PRKAA1: variants seen among roughly 807,000 people sequenced by gnomAD.
PRKAA1 encodes the protein 5'-AMP-activated protein kinase catalytic subunit alpha-1.
In PRKAA1, 23 loss-of-function variants were observed where a neutral mutation model predicts 56.9. The ratio of observed to expected loss-of-function variants is 0.40; its 90% CI spans 0.29 to 0.57. The LOEUF is 0.57. PRKAA1 is among the 20% of genes least tolerant of loss of function. PRKAA1 has a pLI of 0.39. For synonymous variants in PRKAA1, 226 were observed against 227.0 expected, an observed-to-expected ratio of 1.00 and a Z score of 0.04; for missense variants, 413 against 679.7, an observed-to-expected ratio of 0.61 and a Z score of 4.36.
At chr5:40,796,872 A>G (rs552492726) in intron 1 of PRKAA1, among the ~76,000 whole-genome samples, 2 of 152,324 alleles carry the variant, frequency 1.3e-5, no homozygotes, top group South Asian at 4.1e-4. Flanking sequence ...AGAACTTAGT[A>G]TATGCAAGTC....
chr5:40,777,610 A>G (rs768550346), intron 1 of PRKAA1, 24 bp from the exon 2 acceptor site: 2 of 1,573,356 alleles, frequency 1.3e-6, no homozygotes, highest in Admixed American at 3.4e-5. Flanking sequence ...AATTTAATAA[A>G]TTAGTACTAA....
At chr5:40,768,461 T>C (rs1749436232) in intron 5 of PRKAA1, 3 of 930,328 alleles carry the variant, frequency 3.2e-6, no homozygotes, top group Non-Finnish European at 3.8e-6. Context: ...GTTTTATTCC[T>C]AAAAGAATTA....
chr5:40,772,636 A>G (rs1743802078), intron 3 of PRKAA1, among the ~76,000 whole-genome samples: 1 of 151,236 alleles, frequency 6.6e-6, no homozygotes, highest in African/African-American at 2.4e-5. Context: ...CGGGGTTTTA[A>G]ATTTATCTAT....
Position 40,761,734 on chromosome 5 carries a change from G to A in PRKAA1, c.*1044C>T, listed in dbSNP as rs916133992. 3 of 152,282 alleles carry A rather than the reference G, an allele frequency of 2.0e-5. No individual in the cohort carries two copies. The highest frequency in any genetic ancestry group is 7.2e-5 in the African/African-American group (3 of 41,438). The allele number at this position is 152,282 out of a possible 1,614,324, so 9.4% of individuals were successfully genotyped here. ...GCATATACTCAATAATGACTGACAT[G>A]ATGGGCCAGAGGAATTTGTGAAATT... On this transcript the variant is annotated 3_prime_UTR_variant, in exon 9 of 9. Coordinates refer to ENST00000397128, the MANE Select transcript of PRKAA1 (RefSeq NM_006251.6).
chr5:40,767,376 C>T lies in PRKAA1; in HGVS notation c.821+90G>A. ...TTTTTCACATAAAAACAGGATTACA[C>T]TGTATATTCTGTTCTGCAACTTTTT... On this transcript the variant is annotated intron_variant, in intron 6 of 8. Coordinates refer to ENST00000397128, the MANE Select transcript of PRKAA1 (RefSeq NM_006251.6). 4 of 1,032,226 alleles carry T rather than the reference C, an allele frequency of 3.9e-6. No homozygotes were observed. In the South Asian group the frequency reaches 4.7e-5, roughly 12 times the overall value. 63.9% of individuals were successfully genotyped at this position (1,032,226 alleles called of 1,614,324 possible). A position where few individuals can be genotyped will look rare whatever the true frequency, so the allele number is the denominator to read the frequency against.
chr5:40,784,362 C>CA lies in PRKAA1; in HGVS notation c.128-6777dup, dbSNP rs1461803421. Among the ~76,000 whole-genome samples, 4 of 152,104 alleles carry CA rather than the reference C, an allele frequency of 2.6e-5. No homozygotes were observed. In the East Asian group the frequency reaches 7.7e-4, roughly 29 times the overall value. On this transcript the variant is annotated intron_variant, in intron 1 of 8. Coordinates refer to ENST00000397128, the MANE Select transcript of PRKAA1 (RefSeq NM_006251.6). ...CCATTCCCATATACTTCAATCCCTC[C>CA]AACCCGCTCCACCACTCCTACCCCA...
intron 6 of PRKAA1, 79 bp from the exon 7 acceptor site, chr5:40,765,317 A>G (rs1178635775): frequency 1.4e-6 from 2 of 1,416,642 alleles, no homozygotes; most frequent in Non-Finnish European, 1.9e-6. Flanking sequence ...GGAATTTAGA[A>G]TATGACTTAA....
Position 40,762,666 on chromosome 5 carries a change from A to C in PRKAA1, c.*112T>G, listed in dbSNP as rs894267989. 3.6e-6 allele frequency: 5 copies of C among 1,385,180 alleles called. No homozygotes were observed. The African/African-American group carries it at 7.2e-5, about 20-fold the overall frequency. 85.8% of individuals were successfully genotyped at this position (1,385,180 alleles called of 1,614,324 possible). A position where few individuals can be genotyped will look rare whatever the true frequency, so the allele number is the denominator to read the frequency against. ...CAATCCCTGTGCAAATTGCATTCCA[A>C]AACGCCAGCCCTCGGTTATAATTAT... On this transcript the variant is annotated 3_prime_UTR_variant, in exon 9 of 9. Coordinates refer to ENST00000397128, the MANE Select transcript of PRKAA1 (RefSeq NM_006251.6).
At chr5:40,771,898 T>G (rs771391938) in intron 3 of PRKAA1, 35 bp from the exon 4 acceptor site, 1 of 1,591,408 alleles carries the variant, frequency 6.3e-7, no homozygotes, top group South Asian at 1.2e-5. Flanking sequence ...TAAAGGTGTG[T>G]CTTTCAAAGT....
chr5:40,789,519 A>C (rs1043914294), intron 1 of PRKAA1, among the ~76,000 whole-genome samples: 1 of 152,232 alleles, frequency 6.6e-6, no homozygotes, highest in Non-Finnish European at 1.5e-5. Context: ...ATATATCCAA[A>C]GGAATTGAAA....
intron 1 of PRKAA1, among the ~76,000 whole-genome samples, chr5:40,778,695 T>C (rs908107354): frequency 3.3e-5 from 5 of 152,016 alleles, no homozygotes; most frequent in Non-Finnish European, 5.9e-5. Flanking sequence ...TAACCTCTTA[T>C]ACCTTTGAAA....
chr5:40,780,168 T>G (rs904096280), intron 1 of PRKAA1, among the ~76,000 whole-genome samples: 4 of 152,198 alleles, frequency 2.6e-5, no homozygotes, highest in African/African-American at 9.6e-5. Context: ...ATGCTGACCA[T>G]TTAGAAATCT....
At chr5:40,790,866 T>C (rs558629460) in intron 1 of PRKAA1, among the ~76,000 whole-genome samples, 15 of 152,290 alleles carry the variant, frequency 9.8e-5, no homozygotes, top group Non-Finnish European at 1.9e-4. Flanking sequence ...TTTTAAAATA[T>C]GGCATCTAAT....
chr5:40,798,219 G>T lies in PRKAA1; in HGVS notation c.-30C>A. On this transcript the variant is annotated 5_prime_UTR_variant, in exon 1 of 9. Transcript: ENST00000397128. ...CTGCGGGAGGGGGCGGAGGGGGCGG[G>T]CAGGGCCGCGCCGGGGGCGGGCGGG... 5.4e-6 allele frequency: 2 copies of T among 367,650 alleles called. No individual in the cohort carries two copies. Among genetic ancestry groups the T allele is most frequent in the East Asian group, 7.5e-5 (1 of 13,378 alleles). 22.8% of individuals were successfully genotyped at this position (367,650 alleles called of 1,614,324 possible).
chr5:40,791,582 G>A (rs1744719693), intron 1 of PRKAA1, among the ~76,000 whole-genome samples: 1 of 152,150 alleles, frequency 6.6e-6, no homozygotes, highest in Admixed American at 6.5e-5. Context: ...CAGAGAAGCA[G>A]CAAAGATAGA....
chr5:40,795,990 T>C (rs1441224826), intron 1 of PRKAA1, among the ~76,000 whole-genome samples: 1 of 152,194 alleles, frequency 6.6e-6, no homozygotes, highest in Non-Finnish European at 1.5e-5. Context: ...CCTGCTTTAC[T>C]ACCTGCCATG....
chr5:40,784,608 T>A (rs1744395052), intron 1 of PRKAA1, among the ~76,000 whole-genome samples: 1 of 152,228 alleles, frequency 6.6e-6, no homozygotes, highest in Admixed American at 6.5e-5. Context: ...GGGCTCTTTT[T>A]TTAACAAAAA....
intron 1 of PRKAA1, among the ~76,000 whole-genome samples, chr5:40,787,326 G>A (rs887483415): frequency 1.5e-4 from 23 of 151,890 alleles, no homozygotes; most frequent in African/African-American, 4.6e-4. Context: ...TTAGCCGGGC[G>A]TGGTGGCGCA....
chr5:40,770,007 T>C (rs1743653547), intron 4 of PRKAA1, among the ~76,000 whole-genome samples: 2 of 151,636 alleles, frequency 1.3e-5, no homozygotes, highest in Non-Finnish European at 2.9e-5. Flanking sequence ...GAATAAGAAA[T>C]TCAAATAATT....
Sources: gnomAD v4.1 joint callset for allele counts (sites outside exome capture counted in the v4.1 genomes callset) on GRCh38, gnomAD v4.1.1 for gene constraint, MANE v1.5 for transcripts, NCBI Gene and HGNC (gene_info 2026-07-23, HGNC 2026-07-21) for gene names.